PLCG2: variants seen among roughly 807,000 people sequenced by gnomAD.
The protein encoded by PLCG2 is 1-phosphatidylinositol 4,5-bisphosphate phosphodiesterase gamma-2.
A neutral mutation model predicts 175.6 loss-of-function variants in PLCG2; 69 were observed. The ratio of observed to expected loss-of-function variants is 0.39; its 90% CI spans 0.32 to 0.48. PLCG2 has a LOEUF of 0.48. Among genes scored for constraint, PLCG2 ranks in the 20% least tolerant of loss-of-function variants. The pLI is 0.91. For synonymous variants in PLCG2, 827 were observed against 624.0 expected, an observed-to-expected ratio of 1.33 and a Z score of -4.85; for missense variants, 1,798 against 1,650.9, an observed-to-expected ratio of 1.09 and a Z score of -1.54.
chr16:81,936,077 T>C, intron 26 of PLCG2, 92 bp from the exon 27 acceptor site: 1 of 1,528,178 alleles, frequency 6.5e-7, no homozygotes, highest in Non-Finnish European at 8.8e-7. Context: ...TGGTTTCCTT[T>C]TATAATCTGA....
intron 7 of PLCG2, among the ~76,000 whole-genome samples, chr16:81,876,535 C>G (rs1044946108): frequency 1.3e-5 from 2 of 152,196 alleles, no homozygotes; most frequent in Admixed American, 6.5e-5. Context: ...CTTCTCTTGT[C>G]CAGCTGGTAA....
At chr16:81,884,626 T>A (rs1908264584) in intron 9 of PLCG2, among the ~76,000 whole-genome samples, 1 of 152,180 alleles carries the variant, frequency 6.6e-6, no homozygotes, top group South Asian at 2.1e-4. Context: ...TGTGTACATG[T>A]ATGCATGTCT....
intron 2 of PLCG2, among the ~76,000 whole-genome samples, chr16:81,830,824 C>T (rs1186205412): frequency 2.6e-5 from 4 of 151,654 alleles, no homozygotes; most frequent in African/African-American, 9.7e-5. Flanking sequence ...GTGAGGGGGG[C>T]ATCGGGCTTC....
chr16:81,789,844 G>GCC (rs150696922), intron 2 of PLCG2, among the ~76,000 whole-genome samples: 1,421 of 132,680 alleles, frequency 0.011, 26 homozygotes, highest in African/African-American at 0.034. Context: ...TCCCACCTTT[G>GCC]CCCCCCCTCC....
intron 2 of PLCG2, among the ~76,000 whole-genome samples, chr16:81,825,126 G>C (rs1015335368): frequency 6.6e-6 from 1 of 152,110 alleles, no homozygotes; most frequent in Non-Finnish European, 1.5e-5. Context: ...GACCCGTTTT[G>C]GAAATCAGAC....
At chr16:81,782,054 T>G (rs1910759968) in intron 1 of PLCG2, among the ~76,000 whole-genome samples, 1 of 152,142 alleles carries the variant, frequency 6.6e-6, no homozygotes, top group Non-Finnish European at 1.5e-5. Context: ...TTGTATTTTT[T>G]TTTAGTAGAG....
intron 5 of PLCG2, among the ~76,000 whole-genome samples, chr16:81,861,904 C>G (rs184998653): frequency 2.6e-5 from 4 of 152,322 alleles, no homozygotes; most frequent in Admixed American, 2.6e-4. Flanking sequence ...TGGTCCAGGA[C>G]CCTCTGCAGA....
At chr16:81,752,021 C>CA (rs1909822012) in intron 1 of PLCG2, among the ~76,000 whole-genome samples, 1 of 150,864 alleles carries the variant, frequency 6.6e-6, no homozygotes, top group Non-Finnish European at 1.5e-5. Flanking sequence ...GAGTCTATCT[C>CA]AAAAAATAAA....
chr16:81,877,781 TCC>T (rs1907875404), intron 7 of PLCG2, among the ~76,000 whole-genome samples: 1 of 148,190 alleles, frequency 6.7e-6, no homozygotes, highest in African/African-American at 2.5e-5. Context: ...ATTGCATCGC[TCC>T]TTGGCTTGTA....
At chr16:81,860,147 T>C (rs138128599) in intron 5 of PLCG2, among the ~76,000 whole-genome samples, 21 of 99,516 alleles carry the variant, frequency 2.1e-4, no homozygotes, top group Non-Finnish European at 3.2e-4. Flanking sequence ...TATTTACTAT[T>C]ATTATTATTA....
intron 2 of PLCG2, among the ~76,000 whole-genome samples, chr16:81,844,273 GT>G (rs922411318): frequency 3.3e-5 from 5 of 151,084 alleles, no homozygotes; most frequent in Non-Finnish European, 5.9e-5. Flanking sequence ...GATTACAGGC[GT>G]GAGCCACCGC....
intron 15 of PLCG2, 35 bp downstream of exon 15, chr16:81,905,542 C>T: frequency 6.9e-7 from 1 of 1,439,434 alleles, no homozygotes; most frequent in Non-Finnish European, 9.8e-7. Context: ...CCACTGCGGC[C>T]ACGCCCCTTG....
At chr16:81,782,574 C>T (rs886094860) in intron 1 of PLCG2, among the ~76,000 whole-genome samples, 13 of 152,242 alleles carry the variant, frequency 8.5e-5, no homozygotes, top group African/African-American at 2.6e-4. Flanking sequence ...ATCTTTTGGC[C>T]GTGAAGATCT....
intron 2 of PLCG2, among the ~76,000 whole-genome samples, chr16:81,799,707 C>G (rs1911635559): frequency 6.6e-6 from 1 of 151,988 alleles, no homozygotes; most frequent in Non-Finnish European, 1.5e-5. Flanking sequence ...ATTCTCCTGC[C>G]TCAACCTCCC....
At chr16:81,860,967 A>G (rs1038202941) in intron 5 of PLCG2, among the ~76,000 whole-genome samples, 1 of 152,038 alleles carries the variant, frequency 6.6e-6, no homozygotes, top group African/African-American at 2.4e-5. Context: ...ACAGAGCAAG[A>G]CTCCGTCTCA....
Position 81,859,146 on chromosome 16 carries a change from T to C in PLCG2, c.462T>C (p.Asp154=). Residue 154 remains aspartate (D), a synonymous_variant, in exon 5 of 33, where the codon GAT becomes GAC. Coordinates refer to ENST00000564138, the MANE Select transcript of PLCG2 (RefSeq NM_002661.5). ...SWLRKQIYSV[D]QTRRNSISLR... ...TGAGAAAGCAGATATATTCTGTGGA[T>C]CAAACCAGAAGAAACAGGTAAGAGT... 1 of 1,596,852 alleles carries C rather than the reference T, an allele frequency of 6.3e-7. No individual in the cohort carries two copies. Among genetic ancestry groups the C allele is most frequent in the Non-Finnish European group, 8.6e-7 (1 of 1,164,224 alleles).
chr16:81,895,749 ACCTCGGGGCT>A, intron 12 of PLCG2, 48 bp from the exon 13 acceptor site: 1 of 1,602,730 alleles, frequency 6.2e-7, no homozygotes. Flanking sequence ...CCGGGGGCTG[ACCTCGGGGCT>A]GTCAGTGAAC....
chr16:81,793,905 G>T (rs1190470854), intron 2 of PLCG2, among the ~76,000 whole-genome samples: 1 of 152,226 alleles, frequency 6.6e-6, no homozygotes, highest in African/African-American at 2.4e-5. Context: ...CCCAGTTTCA[G>T]TCTCAAGTCT....
At chr16:81,814,156 G>C (rs1260252448) in intron 2 of PLCG2, among the ~76,000 whole-genome samples, 1 of 152,198 alleles carries the variant, frequency 6.6e-6, no homozygotes, top group Non-Finnish European at 1.5e-5. Flanking sequence ...TTTGGGGCTA[G>C]GATATAAATG....
Sources: allele counts gnomAD v4.1 joint callset (sites outside exome capture counted in the v4.1 genomes callset), GRCh38; gene constraint gnomAD v4.1.1; transcripts MANE v1.5; gene names NCBI Gene and HGNC (gene_info 2026-07-23, HGNC 2026-07-21).